TSFM: variants seen among roughly 807,000 people sequenced by gnomAD.
The protein encoded by TSFM is elongation factor Ts, mitochondrial.
Under a neutral mutation model 33.4 loss-of-function variants are expected in TSFM, and 29 were observed. The ratio of observed to expected loss-of-function variants is 0.87; its 90% CI spans 0.65 to 1.18. The LOEUF is 1.18. TSFM is among the 50% of genes most tolerant of loss of function. The pLI is 0.00. For synonymous variants in TSFM, 178 were observed against 163.5 expected, an observed-to-expected ratio of 1.09 and a Z score of -0.68; for missense variants, 394 against 395.6, an observed-to-expected ratio of 1.00 and a Z score of 0.04.
intron 2 of TSFM, chr12:57,783,931 A>G (rs988148138): frequency 2.8e-6 from 2 of 702,594 alleles, no homozygotes; most frequent in Non-Finnish European, 5.2e-6. Flanking sequence ...TAGACATCTT[A>G]ATCTTTCAGA....
downstream of TSFM, chr12:57,798,109 A>G (rs1351967761): frequency 3.8e-5 from 22 of 577,384 alleles, no homozygotes; most frequent in East Asian, 7.2e-4. Flanking sequence ...AGAGGGAAGT[A>G]GAATGAATTT....
downstream of TSFM, chr12:57,799,894 C>T (rs1367783270): frequency 6.2e-7 from 1 of 1,614,148 alleles, no homozygotes; most frequent in East Asian, 2.2e-5. Flanking sequence ...CATTAGAATT[C>T]AGGGAGAGGG....
intron 5 of TSFM, among the ~76,000 whole-genome samples, chr12:57,793,977 A>G (rs1483053286): frequency 1.3e-5 from 2 of 152,208 alleles, no homozygotes; most frequent in Non-Finnish European, 2.9e-5. Context: ...TGGGACTAGC[A>G]TCTTGCTTTC....
downstream of TSFM, among the ~76,000 whole-genome samples, chr12:57,801,799 CTG>C (rs1291862926): frequency 2.0e-5 from 3 of 152,046 alleles, no homozygotes; most frequent in African/African-American, 4.8e-5. Context: ...TGTTGATTAA[CTG>C]TGACTTTAGA....
At chr12:57,801,362 G>T, downstream of TSFM, 1 of 593,572 alleles carries the variant, frequency 1.7e-6, no homozygotes, top group Non-Finnish European at 3.0e-6. Context: ...CCCCCTTTTG[G>T]GTCCATGCAG....
At chr12:57,788,965 CT>C (rs35955000) in intron 4 of TSFM, among the ~76,000 whole-genome samples, 1,568 of 136,080 alleles carry the variant, frequency 0.012, 14 homozygotes, top group African/African-American at 0.033. Flanking sequence ...TATCATCGCC[CT>C]TTTTTTTTTT....
downstream of TSFM, chr12:57,797,671 C>T: frequency 1.4e-6 from 1 of 739,362 alleles, no homozygotes; most frequent in Non-Finnish European, 1.8e-6. Flanking sequence ...GGCCACAAAA[C>T]CCAAAAACTA....
chr12:57,783,315 C>T (rs1955539639), intron 2 of TSFM, 32 bp downstream of exon 2: 2 of 1,613,130 alleles, frequency 1.2e-6, no homozygotes, highest in Admixed American at 1.7e-5. Context: ...GGGCGGAGTA[C>T]TAGAGCTCGA....
At chr12:57,801,882 G>A (rs1955855545), downstream of TSFM, among the ~76,000 whole-genome samples, 1 of 152,196 alleles carries the variant, frequency 6.6e-6, no homozygotes, top group African/African-American at 2.4e-5. Flanking sequence ...TATCAGGATT[G>A]TTGTAAAGAT....
chr12:57,789,966 G>C (rs1955640727), intron 4 of TSFM, among the ~76,000 whole-genome samples: 3 of 151,824 alleles, frequency 2.0e-5, no homozygotes. Flanking sequence ...ACTGTGGAAT[G>C]GGCCACTTCT....
Position 57,783,261 on chromosome 12 carries a change from C to T in TSFM, c.209C>T (p.Thr70Ile), listed in dbSNP as rs142205795. 1.9e-6 allele frequency: 3 copies of T among 1,613,878 alleles called. No individual in the cohort carries two copies. Among genetic ancestry groups the T allele is most frequent in the East Asian group, 2.2e-5 (1 of 44,876 alleles). Reference sequence around the variant, plus strand: ...GTAAATTGCAAGAAAGCTCTGGAGACTTGTGGCGGGGACCTCAAACAGGTG... The same window carrying T: ...GTAAATTGCAAGAAAGCTCTGGAGATTTGTGGCGGGGACCTCAAACAGGTG... ...SFVNCKKALE[T>I]CGGDLKQAEI... is the part of the protein sequence containing the mutation. Residue 70 changes from threonine (T) to isoleucine (I), a missense_variant, in exon 2 of 6, where the codon ACT becomes ATT. Physicochemically the swap from Thr to Ile is moderately conservative, Grantham distance 89. Around this residue, in one of 3 missense-constraint regions of TSFM, gnomAD observed 208 missense variants for 180.4 expected, o/e 1.15. Coordinates refer to ENST00000652027, the MANE Select transcript of TSFM (RefSeq NM_005726.6).
rs12302696 is a variant in TSFM at position 57,783,308 on chromosome 12, C to T, written c.231+25C>T. The T allele has an allele frequency of 2.7e-3, 4,412 of 1,613,234 alleles. 104 individuals carry two copies. The African/African-American group carries it at 0.051, about 19-fold the overall frequency. On this transcript the variant is annotated intron_variant, in intron 2 of 5. Transcript: ENST00000652027. ...GGTGTGTGTGTGGAGGGGTGCAGGG[C>T]GGAGTACTAGAGCTCGACCTCAGAC...
intron 3 of TSFM, among the ~76,000 whole-genome samples, chr12:57,786,619 G>C (rs1955594862): frequency 6.6e-6 from 1 of 152,192 alleles, no homozygotes; most frequent in African/African-American, 2.4e-5. Flanking sequence ...ATAGAGAGTA[G>C]GTATTTTAGA....
Position 57,796,320 on chromosome 12 carries a change from A to G in TSFM, c.715A>G (p.Ile239Val), listed in dbSNP as rs746571961. The change falls in exon 6 of 6, where the codon ATC (isoleucine) becomes GTC (valine). Residue 239 changes from isoleucine to valine, a missense_variant. Coordinates refer to ENST00000652027, the MANE Select transcript of TSFM (RefSeq NM_005726.6). ...GCTGGGGAAGTATGGGGCCCTGGTC[A>G]TCTGTGAGACGTCTGAACAGAAAAC... ...LVLGKYGALV[I>V]CETSEQKTNL... The G allele has an allele frequency of 6.2e-7, 1 of 1,611,178 alleles. No individual in the cohort carries two copies. The highest frequency in any genetic ancestry group is 8.5e-7 in the Non-Finnish European group (1 of 1,178,636).
chr12:57,791,517 A>G (rs1595142861), intron 4 of TSFM, among the ~76,000 whole-genome samples: 1 of 152,342 alleles, frequency 6.6e-6, no homozygotes, highest in African/African-American at 2.4e-5. Flanking sequence ...AAGCATATTT[A>G]TACAAATAGT....
In TSFM at chr12:57,796,312, C is replaced by T; in HGVS notation, c.707C>T (p.Ala236Val). 6.2e-7 allele frequency: 1 copy of T among 1,611,522 alleles called. No individual in the cohort carries two copies. Among genetic ancestry groups the T allele is most frequent in the Non-Finnish European group, 8.5e-7 (1 of 1,178,782 alleles). Reference sequence around the variant, plus strand: ...AAGCTGGTGCTGGGGAAGTATGGGGCCCTGGTCATCTGTGAGACGTCTGAA... The same window carrying T: ...AAGCTGGTGCTGGGGAAGTATGGGGTCCTGGTCATCTGTGAGACGTCTGAA... ...LHKLVLGKYG[A>V]LVICETSEQK... The change falls in exon 6 of 6, where the codon GCC becomes GTC. Residue 236 changes from alanine (A) to valine (V), a missense_variant. Ala to Val is a moderately conservative substitution (Grantham distance 64, BLOSUM62 0). Around this residue, in one of 3 missense-constraint regions of TSFM, gnomAD observed 186 missense variants for 198.8 expected, o/e 0.94. Coordinates refer to ENST00000652027, the MANE Select transcript of TSFM (RefSeq NM_005726.6).
At chr12:57,790,964 C>T (rs1955654618) in intron 4 of TSFM, among the ~76,000 whole-genome samples, 1 of 150,412 alleles carries the variant, frequency 6.6e-6, no homozygotes, top group African/African-American at 2.5e-5. Flanking sequence ...ACTTGGCCTC[C>T]TCAAAGTGCT....
Position 57,797,327 on chromosome 12 carries a change from A to T in TSFM, c.*744A>T. The T allele has an allele frequency of 1.0e-6, 1 of 985,444 alleles. No individual in the cohort carries two copies. The highest frequency in any genetic ancestry group is 1.2e-6 in the Non-Finnish European group (1 of 829,936). The allele number at this position is 985,444 out of a possible 1,614,324, so 61.0% of individuals were successfully genotyped here. ...GTACTGAAACATTTCTTCAAGTATA[A>T]CATAAAATTACCGTAACAAGCAGAC... is the stretch of plus-strand genomic sequence containing the variant. On this transcript the variant is annotated 3_prime_UTR_variant, in exon 6 of 6. Coordinates refer to ENST00000652027, the MANE Select transcript of TSFM (RefSeq NM_005726.6).
At chr12:57,783,028 A>G (rs541706069) in intron 1 of TSFM, 82 bp from the exon 2 acceptor site, 241 of 1,528,926 alleles carry the variant, frequency 1.6e-4, no homozygotes, top group Admixed American at 1.5e-3. Context: ...TCCGCTCCCT[A>G]AGGTCGCTTC....
Sources: allele counts gnomAD v4.1 joint callset (sites outside exome capture counted in the v4.1 genomes callset), GRCh38; gene constraint gnomAD v4.1.1; regional missense constraint gnomAD v4.1.1; transcripts MANE v1.5; gene names NCBI Gene and HGNC (gene_info 2026-07-23, HGNC 2026-07-21).